PTP4A1: variants seen among roughly 807,000 people sequenced by gnomAD.
PTP4A1 encodes the protein protein tyrosine phosphatase type IVA 1.
In PTP4A1, 9 loss-of-function variants were observed where a neutral mutation model predicts 20.5. The ratio of observed to expected loss-of-function variants is 0.44; its 90% CI spans 0.26 to 0.77. The LOEUF is 0.77. PTP4A1 is among the 30% of genes least tolerant of loss of function. The pLI is 0.19. For missense variants in PTP4A1, 137 were observed against 218.8 expected (o/e 0.63, Z 2.36); for synonymous variants, 78 against 67.4 (o/e 1.16, Z -0.77).
chr6:63,548,799 C>G (rs893814515), intron 2 of PTP4A1: 14 of 731,360 alleles, frequency 1.9e-5, no homozygotes, highest in Non-Finnish European at 3.5e-5. Flanking sequence ...ATTGCCTCCC[C>G]AGTGACGGCG....
chr6:63,516,998 C>A (rs115434782), upstream of PTP4A1, among the ~76,000 whole-genome samples: 14 of 152,050 alleles, frequency 9.2e-5, no homozygotes, highest in African/African-American at 3.1e-4. Context: ...AACCATTGAC[C>A]GAAGCCATTG....
At chr6:63,517,406 T>C (rs1452105211), upstream of PTP4A1, among the ~76,000 whole-genome samples, 1 of 152,178 alleles carries the variant, frequency 6.6e-6, no homozygotes, top group Non-Finnish European at 1.5e-5. Flanking sequence ...TGTTGCCTAA[T>C]GTTCTTAGTC....
At chr6:63,529,109 ATATATATATATGTATATATATGTGTGTG>A (rs1562112338) in intron 2 of PTP4A1, among the ~76,000 whole-genome samples, 101 of 146,048 alleles carry the variant, frequency 6.9e-4, no homozygotes, top group African/African-American at 1.6e-3. Context: ...ATATGTGTGT[ATATATATATATGTATATATATGTGTGTG>A]TATATATATA....
In PTP4A1 at chr6:63,582,008, C is replaced by CTT. The variant is rs1229065678; in HGVS notation, c.*1834_*1835insTT. 1 of 152,034 alleles carries CTT rather than the reference C, an allele frequency of 6.6e-6. No homozygotes were observed. Among genetic ancestry groups the CTT allele is most frequent in the East Asian group, 1.9e-4 (1 of 5,196 alleles). The allele number at this position is 152,034 out of a possible 1,614,324, so 9.4% of individuals were successfully genotyped here. ...AAAGTTTAAGTAAAAAGTGATACTC[C>CTT]ACCTTGTGTTTCAAAGAATTTAGTT... On this transcript the variant is annotated 3_prime_UTR_variant, in exon 6 of 6. Transcript: ENST00000626021.
At chr6:63,549,629 A>G (rs1185795609) in intron 2 of PTP4A1, 1 of 480,490 alleles carries the variant, frequency 2.1e-6, no homozygotes, top group African/African-American at 2.0e-5. Context: ...AATTATCCAT[A>G]CAAAAATGGA....
At chr6:63,572,836 T>A (rs1777545632) in intron 1 of PTP4A1, 117 bp downstream of exon 1, 1 of 395,076 alleles carries the variant, frequency 2.5e-6, no homozygotes, top group South Asian at 1.3e-4. Context: ...GGGTTGCGGT[T>A]CCGGTGGGTC....
chr6:63,566,634 T>C (rs1188904324), intron 3 of PTP4A1, among the ~76,000 whole-genome samples: 1 of 152,232 alleles, frequency 6.6e-6, no homozygotes, highest in African/African-American at 2.4e-5. Context: ...TCATAATCTT[T>C]GCTGTTGGAG....
intron 1 of PTP4A1, among the ~76,000 whole-genome samples, chr6:63,576,105 G>A (rs1007447935): frequency 6.0e-5 from 9 of 149,560 alleles, no homozygotes; most frequent in Non-Finnish European, 1.2e-4. Context: ...TATATAGATA[G>A]TATATATACA....
chr6:63,574,793 C>T (rs1444004123), intron 1 of PTP4A1, among the ~76,000 whole-genome samples: 2 of 152,016 alleles, frequency 1.3e-5, no homozygotes, highest in Non-Finnish European at 2.9e-5. Context: ...TTTTATTCTA[C>T]GGAGGTTGTA....
At chr6:63,522,729 T>C (rs1774986268) in intron 1 of PTP4A1, among the ~76,000 whole-genome samples, 1 of 152,192 alleles carries the variant, frequency 6.6e-6, no homozygotes, top group Non-Finnish European at 1.5e-5. Context: ...TGATACTCTT[T>C]CAACAATAGG....
Position 63,544,182 on chromosome 6 carries a change from C to G in PTP4A1, c.-639-6118C>G, listed in dbSNP as rs1274070890. Among the ~76,000 whole-genome samples, 3 of 152,126 alleles carry G rather than the reference C, an allele frequency of 2.0e-5. No individual in the cohort carries two copies. In the East Asian group the frequency reaches 5.8e-4, roughly 29 times the overall value. ...TCCGGAGGGCTTTACCACAAATCAT[C>G]TTAGTTTTCTAAACATTCTTTGATG... is the stretch of plus-strand genomic sequence containing the variant. On this transcript the variant is annotated intron_variant, in intron 2 of 3. Coordinates refer to the PTP4A1 transcript ENST00000639568.
upstream of PTP4A1, among the ~76,000 whole-genome samples, chr6:63,520,553 G>A (rs369766973): frequency 1.3e-4 from 19 of 151,954 alleles, no homozygotes; most frequent in East Asian, 3.7e-3. Context: ...CTTGAACCAG[G>A]GAGGCAGACA....
intron 3 of PTP4A1, among the ~76,000 whole-genome samples, chr6:63,562,001 G>A (rs1776977514): frequency 1.3e-5 from 2 of 150,914 alleles, no homozygotes; most frequent in African/African-American, 4.9e-5. Flanking sequence ...ATCATTTTTG[G>A]AAAAAAAATA....
rs201632872 is a variant in PTP4A1 at position 63,580,171 on chromosome 6, A to G, written c.519A>G (p.Gln173=). ...SNGHRNNCCI[Q] is the part of the protein sequence containing the mutation. ...GTCATAGAAACAACTGTTGCATTCAATAAAATTGGGGTGCCTAATGCTACT... is the reference window on the plus strand; with the variant it reads ...GTCATAGAAACAACTGTTGCATTCAGTAAAATTGGGGTGCCTAATGCTACT... The change falls in exon 6 of 6, where the codon CAA becomes CAG. Residue 173 remains glutamine, a synonymous_variant. Coordinates refer to ENST00000626021, the MANE Select transcript of PTP4A1 (RefSeq NM_003463.5). 1.0e-3 allele frequency: 1,627 copies of G among 1,607,404 alleles called. 28 individuals are homozygous for G. The South Asian group carries it at 0.017, about 17-fold the overall frequency.
intron 3 of PTP4A1, among the ~76,000 whole-genome samples, chr6:63,556,354 C>CT (rs1776687906): frequency 7.2e-6 from 1 of 139,460 alleles, no homozygotes; most frequent in South Asian, 2.2e-4. Flanking sequence ...CTTTTTTTTT[C>CT]TTTTTTTGTA....
intron 3 of PTP4A1, among the ~76,000 whole-genome samples, chr6:63,553,797 T>A (rs946966787): frequency 1.3e-5 from 2 of 152,180 alleles, no homozygotes; most frequent in South Asian, 4.1e-4. Context: ...GGCAGGAACA[T>A]AACCAAACTA....
At chr6:63,572,047 T>G (rs1777455769), upstream of PTP4A1, 1 of 152,258 alleles carries the variant, frequency 6.6e-6, no homozygotes, top group African/African-American at 2.4e-5. Flanking sequence ...GAAAGCAGGC[T>G]CGACACTGAG....
At chr6:63,543,538 A>G (rs1776066733) in intron 2 of PTP4A1, among the ~76,000 whole-genome samples, 1 of 152,228 alleles carries the variant, frequency 6.6e-6, no homozygotes, top group Non-Finnish European at 1.5e-5. Context: ...ATAATTGTTC[A>G]TTGAATAAAT....
At chr6:63,537,464 C>A (rs1775775007) in intron 2 of PTP4A1, among the ~76,000 whole-genome samples, 1 of 152,178 alleles carries the variant, frequency 6.6e-6, no homozygotes, top group Non-Finnish European at 1.5e-5. Flanking sequence ...TTTCTGGAAA[C>A]AGGGTTTTGG....
Sources: gnomAD v4.1 joint callset for allele counts (sites outside exome capture counted in the v4.1 genomes callset) on GRCh38, gnomAD v4.1.1 for gene constraint, MANE v1.5 for transcripts, NCBI Gene and HGNC (gene_info 2026-07-23, HGNC 2026-07-21) for gene names.